The following PACS1 variants were observed in gnomAD, a reference collection of about 807,000 sequenced individuals.
PACS1 encodes the protein phosphofurin acidic cluster sorting protein 1.
A neutral mutation model predicts 115.0 loss-of-function variants in PACS1; 24 were observed. The observed-to-expected ratio is 0.21, with a 90% CI of 0.15 to 0.29. The LOEUF (loss-of-function observed/expected upper bound fraction) is 0.29, where lower values mean the gene tolerates loss of function less well. PACS1 is among the 10% of genes least tolerant of loss of function. The pLI is 1.00. For missense variants in PACS1, 838 were observed against 1,251.2 expected (o/e 0.67, Z 4.98); for synonymous variants, 453 against 504.5 (o/e 0.90, Z 1.37).
intron 2 of PACS1, among the ~76,000 whole-genome samples, chr11:66,195,495 A>G (rs1054982979): frequency 5.3e-5 from 8 of 152,146 alleles, no homozygotes; most frequent in African/African-American, 1.9e-4. Flanking sequence ...CTGTGCCGAC[A>G]CCATTGGGGT....
chr11:66,110,434 C>T (rs1484061030), intron 1 of PACS1, among the ~76,000 whole-genome samples: 1 of 152,262 alleles, frequency 6.6e-6, no homozygotes, highest in East Asian at 1.9e-4. Flanking sequence ...GCCTCAGCTT[C>T]TCGAGTAGCT....
rs117945491 is a variant in PACS1 at position 66,242,149 on chromosome 11, G to A, written c.2656+496G>A. Among the ~76,000 whole-genome samples, 198 of 152,336 alleles carry A rather than the reference G, an allele frequency of 1.3e-3. 2 individuals carry two copies. The highest frequency in any genetic ancestry group is 1.0e-3 in the South Asian group (5 of 4,824). ...CAGGGGTAGCTTAAGGAGCTGGAGG[G>A]GAGTTGGAGCTGGCCCGGCTCCTGT... On this transcript the variant is annotated intron_variant, in intron 22 of 23. Coordinates refer to ENST00000320580, the MANE Select transcript of PACS1 (RefSeq NM_018026.4).
chr11:66,192,631 G>A (rs562070708), intron 1 of PACS1, among the ~76,000 whole-genome samples: 2 of 152,352 alleles, frequency 1.3e-5, no homozygotes, highest in Admixed American at 6.5e-5. Context: ...CATGACTCTG[G>A]TAAGCAACAT....
chr11:66,086,164 G>A (rs2134506100), intron 1 of PACS1, among the ~76,000 whole-genome samples: 1 of 142,736 alleles, frequency 7.0e-6, no homozygotes. Context: ...TTGAGACGGA[G>A]TCTCGCTCTG....
At chr11:66,116,513 C>T (rs555144880) in intron 1 of PACS1, among the ~76,000 whole-genome samples, 7 of 152,316 alleles carry the variant, frequency 4.6e-5, no homozygotes, top group South Asian at 4.1e-4. Context: ...CAAATGCTTA[C>T]GAGCAACTAT....
chr11:66,216,712 C>A lies in PACS1; in HGVS notation c.915C>A (p.Asp305Glu). 2 of 1,613,818 alleles carry A rather than the reference C, an allele frequency of 1.2e-6. No individual in the cohort carries two copies. The highest frequency in any genetic ancestry group is 2.2e-5 in the South Asian group (2 of 91,066). Residue 305 changes from aspartate (D) to glutamate (E), a missense_variant, in exon 7 of 24, where the codon GAC becomes GAA. Physicochemically the swap from Asp to Glu is conservative, Grantham distance 45 (BLOSUM62 2). Around this residue, in one of 6 missense-constraint regions of PACS1, gnomAD observed 223 missense variants for 354.0 expected, o/e 0.63. Transcript: ENST00000320580. Reference protein sequence around the residue: ...PLHGQDLFYEDEDLRKVKKTR... With the variant: ...PLHGQDLFYEEEDLRKVKKTR... ...CCACTTAGGACTTGTTCTACGAAGA[C>A]GAAGATCTCCGGAAAGTGAAGAAGA...
chr11:66,241,188 T>C (rs561051407), intron 21 of PACS1: 57 of 501,124 alleles, frequency 1.1e-4, no homozygotes, highest in Admixed American at 3.0e-4. Context: ...CTTGTCATCC[T>C]GTGAAGATTT....
chr11:66,173,673 G>T (rs558798712), intron 1 of PACS1, among the ~76,000 whole-genome samples: 1 of 152,058 alleles, frequency 6.6e-6, no homozygotes, highest in Non-Finnish European at 1.5e-5. Flanking sequence ...TCATGCCACC[G>T]CACTCCAGCC....
At chr11:66,220,498 C>T in intron 8 of PACS1, 133 bp from the exon 9 acceptor site, 1 of 820,308 alleles carries the variant, frequency 1.2e-6, no homozygotes. Context: ...GTGAAGGTTA[C>T]TCCAGCCAGT....
chr11:66,158,050 T>A (rs1444682004), intron 1 of PACS1, among the ~76,000 whole-genome samples: 5 of 152,194 alleles, frequency 3.3e-5, no homozygotes, highest in Admixed American at 3.3e-4. Context: ...CACTGCAGCC[T>A]CCTTCCCCTG....
rs1042332452 is a variant in PACS1, at chr11:66,238,883, T to C, written c.2293+37T>C. ...GCTCCCTTGTTCTGTGGAGTGAGGC[T>C]GGTGCCCTCCCTGTCTTCCCTCTAG... On this transcript the variant is annotated intron_variant, in intron 20 of 23. Coordinates refer to ENST00000320580, the MANE Select transcript of PACS1 (RefSeq NM_018026.4). The C allele has an allele frequency of 8.4e-6, 13 of 1,546,288 alleles. No homozygotes were observed. The East Asian group carries it at 9.6e-5, about 11-fold the overall frequency.
chr11:66,106,574 A>T (rs569956058), intron 1 of PACS1, among the ~76,000 whole-genome samples: 2 of 151,008 alleles, frequency 1.3e-5, no homozygotes, highest in Admixed American at 1.3e-4. Flanking sequence ...CTCAAAAAAT[A>T]AAAAAAAATA....
intron 1 of PACS1, among the ~76,000 whole-genome samples, chr11:66,103,702 C>T (rs1156680520): frequency 2.0e-5 from 3 of 151,254 alleles, no homozygotes; most frequent in Non-Finnish European, 2.9e-5. Flanking sequence ...TTAGTGGAGA[C>T]GGGGTTTCAC....
chr11:66,130,779 A>G (rs983179162), intron 1 of PACS1, among the ~76,000 whole-genome samples: 4 of 152,152 alleles, frequency 2.6e-5, no homozygotes, highest in African/African-American at 7.2e-5. Flanking sequence ...TGTACCACAA[A>G]CAATGCTCTG....
At position 66,191,342 on chromosome 11, in the gene PACS1, A is replaced by G. The variant is rs941225605; in HGVS notation, c.357-2144A>G. Reference sequence around the variant, plus strand: ...CTCCCCATCTCAGGAGCCTTAACTTAATCACATCTGCACAGTCCCTTTTGC... The same window carrying G: ...CTCCCCATCTCAGGAGCCTTAACTTGATCACATCTGCACAGTCCCTTTTGC... On this transcript the variant is annotated intron_variant, in intron 1 of 23. Coordinates refer to ENST00000320580, the MANE Select transcript of PACS1 (RefSeq NM_018026.4). 1.5e-4 allele frequency among the ~76,000 whole-genome samples: 23 copies of G among 152,146 alleles called. 1 individual carries two copies. The highest frequency in any genetic ancestry group is 1.0e-4 in the Non-Finnish European group (7 of 68,024).
At chr11:66,108,604 A>AAAAAAAG (rs1458124162) in intron 1 of PACS1, among the ~76,000 whole-genome samples, 2 of 152,040 alleles carry the variant, frequency 1.3e-5, no homozygotes, top group African/African-American at 4.8e-5. Context: ...CTCTACAAAG[A>AAAAAAAG]AAAAAAGAAA....
In PACS1 at chr11:66,168,750, ATATG is replaced by A. The variant is rs753866808; in HGVS notation, c.357-24734_357-24731del. Among the ~76,000 whole-genome samples, 743 of 142,488 alleles carry A rather than the reference ATATG, an allele frequency of 5.2e-3. 36 individuals are homozygous for A. Among genetic ancestry groups the A allele is most frequent in the African/African-American group, 0.016 (552 of 35,374 alleles). 93.5% of individuals were successfully genotyped at this position (142,488 alleles called of 152,430 possible). A position where few individuals can be genotyped will look rare whatever the true frequency, so the allele number is the denominator to read the frequency against. On this transcript the variant is annotated intron_variant, in intron 1 of 23. Coordinates refer to ENST00000320580, the MANE Select transcript of PACS1 (RefSeq NM_018026.4). ...GTTGCTTCCTAAATAGTATATATAT[ATATG>A]TGTGTGTGTGTGTGTGTGTGTGTGT...
At position 66,236,091 on chromosome 11, in the gene PACS1, A is replaced by T. The variant is rs1354272647; in HGVS notation, c.2250+151A>T. The stretch of plus-strand genomic sequence containing the variant: ...AGGGACTACCTGGCAGTGTCTGGAG[A>T]CGTGTTTGGTTGTTATACGGGGGGT... On this transcript the variant is annotated intron_variant, in intron 19 of 23. Coordinates refer to ENST00000320580, the MANE Select transcript of PACS1 (RefSeq NM_018026.4). This position sits in a 1 kb window ranked among gnomAD's most constrained non-coding sequence, Gnocchi z 4.2. 1.0e-5 allele frequency: 8 copies of T among 765,062 alleles called. No individual in the cohort carries two copies. Among genetic ancestry groups the T allele is most frequent in the Admixed American group, 1.8e-5 (1 of 54,316 alleles). The allele number at this position is 765,062 out of a possible 1,614,324, so 47.4% of individuals were successfully genotyped here. A position where few individuals can be genotyped will look rare whatever the true frequency, so the allele number is the denominator to read the frequency against.
At chr11:66,157,037 AT>A (rs1859378013) in intron 1 of PACS1, among the ~76,000 whole-genome samples, 1 of 152,006 alleles carries the variant, frequency 6.6e-6, no homozygotes, top group Non-Finnish European at 1.5e-5. Flanking sequence ...AGTTCTGGTC[AT>A]TTTGCTTTGT....
Sources: gnomAD v4.1 joint callset for allele counts (sites outside exome capture counted in the v4.1 genomes callset) on GRCh38, gnomAD v4.1.1 for gene constraint, gnomAD v4.1.1 regional missense constraint, Gnocchi (gnomAD v3.1) non-coding constraint, MANE v1.5 for transcripts, NCBI Gene and HGNC (gene_info 2026-07-23, HGNC 2026-07-21) for gene names.